The following MIPEP variants were observed in gnomAD, a reference collection of about 807,000 sequenced individuals.
MIPEP encodes the protein mitochondrial intermediate peptidase.
A neutral mutation model predicts 90.3 loss-of-function variants in MIPEP; 79 were observed. That is an observed-to-expected ratio of 0.87 (90% CI 0.73 to 1.05). The LOEUF is 1.05. MIPEP is among the 50% of genes least tolerant of loss of function. The probability of loss-of-function intolerance (pLI) is 0.00; values close to 1 mark genes in which losing one functional copy is unlikely to be tolerated. For synonymous variants in MIPEP, 334 were observed against 315.8 expected, an observed-to-expected ratio of 1.06 and a Z score of -0.61; for missense variants, 940 against 905.6, an observed-to-expected ratio of 1.04 and a Z score of -0.49.
At chr13:23,768,654 T>C (rs1345006847) in intron 16 of MIPEP, among the ~76,000 whole-genome samples, 2 of 152,166 alleles carry the variant, frequency 1.3e-5, no homozygotes, top group Non-Finnish European at 2.9e-5. Context: ...AAGGATCACC[T>C]GAGCCTGGGA....
At chr13:23,785,878 C>CA (rs982067834) in intron 16 of MIPEP, among the ~76,000 whole-genome samples, 14 of 151,786 alleles carry the variant, frequency 9.2e-5, no homozygotes, top group African/African-American at 3.1e-4. Flanking sequence ...TAGTATCTGA[C>CA]AAAAAAATAC....
chr13:23,759,294 C>A (rs1296844030), intron 17 of MIPEP, among the ~76,000 whole-genome samples: 1 of 151,978 alleles, frequency 6.6e-6, no homozygotes, highest in Non-Finnish European at 1.5e-5. Context: ...ATCCTCTGCA[C>A]CTCCCCAGAC....
chr13:23,889,107 G>C (rs1871671615), intron 1 of MIPEP, 25 bp downstream of exon 1: 1 of 1,392,666 alleles, frequency 7.2e-7, no homozygotes, highest in South Asian at 1.6e-5. Flanking sequence ...CGGGGACTGA[G>C]GGGAGCTCCT....
At chr13:23,819,451 T>C (rs982899703) in intron 14 of MIPEP, among the ~76,000 whole-genome samples, 13 of 152,214 alleles carry the variant, frequency 8.5e-5, no homozygotes, top group South Asian at 2.1e-4. Context: ...TCTTCTGCTA[T>C]TGCCCAGGGG....
rs1351504427 is a variant in MIPEP, at chr13:23,841,502, G to A, written c.1107-14C>T. 7 of 1,587,680 alleles carry A rather than the reference G, an allele frequency of 4.4e-6. No individual in the cohort carries two copies. The Admixed American group carries it at 7.6e-5, about 17-fold the overall frequency. On this transcript the variant is annotated splice_polypyrimidine_tract_variant and intron_variant, in intron 10 of 18. Transcript: ENST00000382172. ...TCAATATTATACCTAAGAGAAGGAA[G>A]AGAGGTTCAACAGCATCTTTGTTTA...
rs545808657 is a variant in MIPEP, at chr13:23,737,376, G to A, written c.2045-6931C>T. Among the ~76,000 whole-genome samples, 6 of 152,242 alleles carry A rather than the reference G, an allele frequency of 3.9e-5. No individual in the cohort carries two copies. The South Asian group carries it at 6.2e-4, about 16-fold the overall frequency. ...TTGCTGCTGGAGTTCCTGTCTTGGC[G>A]TGATACTGGGAGGAAAAAGTGCCCA... is the stretch of plus-strand genomic sequence containing the variant. On this transcript the variant is annotated intron_variant, in intron 18 of 18. Coordinates refer to ENST00000382172, the MANE Select transcript of MIPEP (RefSeq NM_005932.4).
At chr13:23,878,427 T>C (rs1238007374) in intron 4 of MIPEP, among the ~76,000 whole-genome samples, 1 of 152,132 alleles carries the variant, frequency 6.6e-6, no homozygotes, top group Non-Finnish European at 1.5e-5. Context: ...AATTGGTCCC[T>C]ATAGAAAATG....
chr13:23,837,059 T>C (rs746204264), intron 13 of MIPEP, among the ~76,000 whole-genome samples: 6 of 152,210 alleles, frequency 3.9e-5, no homozygotes, highest in Admixed American at 1.3e-4. Flanking sequence ...TCACAAAATA[T>C]AGCCACATAG....
At chr13:23,750,037 G>A (rs1408440948) in intron 18 of MIPEP, among the ~76,000 whole-genome samples, 1 of 151,988 alleles carries the variant, frequency 6.6e-6, no homozygotes, top group Non-Finnish European at 1.5e-5. Flanking sequence ...CAAACCATGA[G>A]CAGTGGTGTC....
intron 14 of MIPEP, among the ~76,000 whole-genome samples, chr13:23,826,374 A>G (rs1010741333): frequency 3.3e-5 from 5 of 152,166 alleles, no homozygotes; most frequent in Non-Finnish European, 7.4e-5. Flanking sequence ...TAAATATACA[A>G]TCTACTCAAG....
intron 5 of MIPEP, among the ~76,000 whole-genome samples, chr13:23,872,816 A>C (rs1388632974): frequency 3.5e-5 from 5 of 141,986 alleles, no homozygotes; most frequent in Non-Finnish European, 6.3e-5. Flanking sequence ...AGCACCCTTC[A>C]TAAGGATACA....
At chr13:23,772,737 A>G (rs965875912) in intron 16 of MIPEP, among the ~76,000 whole-genome samples, 1 of 152,196 alleles carries the variant, frequency 6.6e-6, no homozygotes, top group Non-Finnish European at 1.5e-5. Context: ...CCCTCAGAAC[A>G]CTAGCCAGAA....
intron 15 of MIPEP, 131 bp downstream of exon 15, chr13:23,809,719 T>G (rs1953151032): frequency 1.6e-6 from 1 of 617,892 alleles, no homozygotes; most frequent in African/African-American, 1.9e-5. Context: ...TCAAGTTCTT[T>G]GAACTCAGAT....
intron 16 of MIPEP, among the ~76,000 whole-genome samples, chr13:23,805,085 C>T (rs1953092977): frequency 6.6e-6 from 1 of 152,224 alleles, no homozygotes. Flanking sequence ...CCCCTATACC[C>T]CTGCACCTTT....
At chr13:23,876,751 A>T (rs1199249719) in intron 4 of MIPEP, among the ~76,000 whole-genome samples, 2 of 152,252 alleles carry the variant, frequency 1.3e-5, no homozygotes, top group African/African-American at 4.8e-5. Flanking sequence ...TTTATATAAT[A>T]AAAATCAATG....
chr13:23,754,225 G>A (rs550695748), intron 18 of MIPEP, among the ~76,000 whole-genome samples: 1 of 152,120 alleles, frequency 6.6e-6, no homozygotes, highest in South Asian at 2.1e-4. Context: ...TGCTGTTTTG[G>A]GGTACAGACT....
At chr13:23,858,669 T>G (rs943313779) in intron 10 of MIPEP, among the ~76,000 whole-genome samples, 191 bp downstream of exon 10, 4 of 151,902 alleles carry the variant, frequency 2.6e-5, no homozygotes, top group African/African-American at 9.7e-5. Flanking sequence ...GGGACCAGAT[T>G]GTAGAATTTT....
chr13:23,800,553 T>G (rs2137391527), intron 16 of MIPEP, among the ~76,000 whole-genome samples: 1 of 152,316 alleles, frequency 6.6e-6, no homozygotes, highest in East Asian at 1.9e-4. Context: ...AGCATCAAAC[T>G]ACTGTTAGAT....
At chr13:23,847,795 G>A (rs1191707264) in intron 10 of MIPEP, among the ~76,000 whole-genome samples, 1 of 152,210 alleles carries the variant, frequency 6.6e-6, no homozygotes, top group African/African-American at 2.4e-5. Context: ...AAGAGATGGT[G>A]ATTGTGATAA....
Sources: allele counts gnomAD v4.1 joint callset (sites outside exome capture counted in the v4.1 genomes callset), GRCh38; gene constraint gnomAD v4.1.1; transcripts MANE v1.5; gene names NCBI Gene and HGNC (gene_info 2026-07-23, HGNC 2026-07-21).